DPRX: variants seen among roughly 807,000 people sequenced by gnomAD.
The protein encoded by DPRX is divergent paired-related homeobox.
In DPRX, 11 loss-of-function variants were observed where a neutral mutation model predicts 8.4. That is an observed-to-expected ratio of 1.31 (90% CI 0.82 to 2.17). The LOEUF (loss-of-function observed/expected upper bound fraction) is 2.17, where lower values mean the gene tolerates loss of function less well. Ranked by LOEUF, DPRX falls within the 30% of genes most tolerant of loss-of-function variation. The probability of loss-of-function intolerance (pLI) is 0.00; values close to 1 mark genes in which losing one functional copy is unlikely to be tolerated. For synonymous variants in DPRX, 72 were observed against 87.0 expected, an observed-to-expected ratio of 0.83 and a Z score of 0.96; for missense variants, 211 against 236.7, an observed-to-expected ratio of 0.89 and a Z score of 0.71.
the DPRX span, among the ~76,000 whole-genome samples, chr19:53,602,893 G>T: frequency 6.6e-6 from 1 of 151,374 alleles, no homozygotes; most frequent in South Asian, 2.1e-4. Flanking sequence ...GGCCAGGCTG[G>T]TCTCAACTCC....
At chr19:53,633,636 A>C (rs1358885209) in intron 1 of DPRX, among the ~76,000 whole-genome samples, 1 of 151,996 alleles carries the variant, frequency 6.6e-6, no homozygotes, top group Non-Finnish European at 1.5e-5. Flanking sequence ...CAGCCTCCCG[A>C]GTAGCTGGGA....
chr19:53,612,161 A>G, the DPRX span, among the ~76,000 whole-genome samples: 12 of 151,870 alleles, frequency 7.9e-5, no homozygotes, highest in South Asian at 2.5e-3. Context: ...AGGCAGGAGA[A>G]TCGCTTGAGC....
At chr19:53,615,401 C>T in the DPRX span, among the ~76,000 whole-genome samples, 8 of 152,242 alleles carry the variant, frequency 5.3e-5, no homozygotes, top group African/African-American at 1.7e-4. Flanking sequence ...CTACCTCAGC[C>T]TCCTGAGTAG....
chr19:53,609,755 C>T, the DPRX span, among the ~76,000 whole-genome samples: 2 of 151,544 alleles, frequency 1.3e-5, no homozygotes, highest in South Asian at 2.1e-4. Flanking sequence ...GAGGCCAAGG[C>T]GGGCAGGTCA....
In DPRX at chr19:53,634,689, G is replaced by T; in HGVS notation, c.183+4G>T. 6.2e-7 allele frequency: 1 copy of T among 1,608,500 alleles called. No individual in the cohort carries two copies. The highest frequency in any genetic ancestry group is 1.1e-5 in the South Asian group (1 of 90,014). ...CATACACCCAACAGTACTGCAGGTT[G>T]GAAAATGATCCCTCTTCTCACTAAA... On this transcript the variant is annotated splice_donor_region_variant and intron_variant, in intron 2 of 2. Coordinates refer to ENST00000376650, the Ensembl canonical transcript of DPRX.
At chr19:53,607,689 CAA>C in the DPRX span, among the ~76,000 whole-genome samples, 3 of 129,174 alleles carry the variant, frequency 2.3e-5, no homozygotes, top group Admixed American at 8.1e-5. Context: ...CCGTCTCTAC[CAA>C]AAAAAAAAAA....
the DPRX span, chr19:53,601,855 G>A: frequency 8.2e-6 from 3 of 367,212 alleles, no homozygotes; most frequent in East Asian, 1.5e-4. Context: ...TGATATGTGG[G>A]GGCTGGAGGG....
the DPRX span, among the ~76,000 whole-genome samples, chr19:53,617,642 A>G: frequency 6.6e-6 from 1 of 152,082 alleles, no homozygotes; most frequent in East Asian, 1.9e-4. Context: ...AGGCTGTCCA[A>G]TCCTCTAATA....
Position 53,634,512 on chromosome 19 carries a change from T to G in DPRX, c.29-19T>G. The G allele has an allele frequency of 6.3e-7, 1 of 1,598,564 alleles. No homozygotes were observed. The highest frequency in any genetic ancestry group is 1.8e-5 in the Admixed American group (1 of 55,958). ...GTTGTTAGCATTTCCCATTTGTGTCTTTTTCCTCCTCTTTCAAGGCAAGGA... is the reference window on the plus strand; with the variant it reads ...GTTGTTAGCATTTCCCATTTGTGTCGTTTTCCTCCTCTTTCAAGGCAAGGA... On this transcript the variant is annotated intron_variant, in intron 1 of 2. Coordinates refer to ENST00000376650, the Ensembl canonical transcript of DPRX.
At chr19:53,602,000 G>A in the DPRX span, 2 of 456,232 alleles carry the variant, frequency 4.4e-6, no homozygotes, top group Non-Finnish European at 8.8e-6. Flanking sequence ...CACCTACCTT[G>A]AAGTAAAGAG....
At chr19:53,602,783 C>G in the DPRX span, among the ~76,000 whole-genome samples, 111 of 151,662 alleles carry the variant, frequency 7.3e-4, 1 homozygote, top group African/African-American at 2.3e-3. Context: ...TCCACTCCCC[C>G]CCGGCACCCG....
chr19:53,618,164 G>GA, the DPRX span, among the ~76,000 whole-genome samples: 42 of 146,688 alleles, frequency 2.9e-4, 1 homozygote, highest in African/African-American at 9.4e-4. Context: ...AAGAAAGAAA[G>GA]AAAGAAAAGA....
In DPRX at chr19:53,635,163, T is replaced by G. The variant is rs187917735; in HGVS notation, c.183+478T>G. 3.1e-3 allele frequency among the ~76,000 whole-genome samples: 469 copies of G among 152,224 alleles called. 6 individuals carry two copies. Among genetic ancestry groups the G allele is most frequent in the Non-Finnish European group, 4.5e-3 (303 of 68,026 alleles). The stretch of plus-strand genomic sequence containing the variant: ...TCCCAAAGTGTTGGGATTACAAGCA[T>G]GAGCCCGGCTGTATTTTATTTTTTG... On this transcript the variant is annotated intron_variant, in intron 2 of 2. Coordinates refer to ENST00000376650, the Ensembl canonical transcript of DPRX.
the DPRX span, among the ~76,000 whole-genome samples, chr19:53,623,751 C>A: frequency 6.6e-6 from 1 of 151,880 alleles, no homozygotes; most frequent in Non-Finnish European, 1.5e-5. Context: ...AGGAGTTTGA[C>A]ACCAGCCTGG....
At chr19:53,625,621 C>T in the DPRX span, among the ~76,000 whole-genome samples, 1 of 151,804 alleles carries the variant, frequency 6.6e-6, no homozygotes, top group Non-Finnish European at 1.5e-5. Flanking sequence ...AGATCTCATG[C>T]CTCTGCCTCT....
At chr19:53,617,143 A>G in the DPRX span, 3 of 1,166,030 alleles carry the variant, frequency 2.6e-6, no homozygotes, top group Non-Finnish European at 1.3e-6. Flanking sequence ...CAAATATCCC[A>G]AAACTCAATA....
At chr19:53,618,887 T>A in the DPRX span, among the ~76,000 whole-genome samples, 1 of 151,930 alleles carries the variant, frequency 6.6e-6, no homozygotes, top group South Asian at 2.1e-4. Context: ...TTGCCATGTT[T>A]GTCAGGCTGG....
At chr19:53,608,062 A>G in the DPRX span, among the ~76,000 whole-genome samples, 1 of 137,562 alleles carries the variant, frequency 7.3e-6, no homozygotes, top group Non-Finnish European at 1.6e-5. Context: ...AATCCCAGCT[A>G]CTCGGAGGCT....
At chr19:53,620,190 C>A in the DPRX span, among the ~76,000 whole-genome samples, 56 of 152,202 alleles carry the variant, frequency 3.7e-4, no homozygotes, top group Admixed American at 8.5e-4. Context: ...CTGCCTCAGC[C>A]TCCCCAGTAG....
Sources: gnomAD v4.1 joint callset for allele counts (sites outside exome capture counted in the v4.1 genomes callset) on GRCh38, gnomAD v4.1.1 for gene constraint, MANE v1.5 for transcripts, NCBI Gene and HGNC (gene_info 2026-07-23, HGNC 2026-07-21) for gene names.